PLCB4: variants seen among roughly 807,000 people sequenced by gnomAD.
PLCB4 encodes phospholipase C beta 4.
In PLCB4, 77 loss-of-function variants were observed where a neutral mutation model predicts 178.8. That is an observed-to-expected ratio of 0.43 (90% CI 0.36 to 0.52). The LOEUF is 0.52. Among genes scored for constraint, PLCB4 ranks in the 20% least tolerant of loss-of-function variants. The probability of loss-of-function intolerance (pLI) is 0.00; values close to 1 mark genes in which losing one functional copy is unlikely to be tolerated. For missense variants in PLCB4, 1,024 were observed against 1,453.4 expected (o/e 0.70, Z 4.80); for synonymous variants, 496 against 490.8 (o/e 1.01, Z -0.14).
intron 2 of PLCB4, among the ~76,000 whole-genome samples, chr20:9,141,001 C>T (rs1327819576): frequency 6.6e-6 from 1 of 152,046 alleles, no homozygotes; most frequent in Admixed American, 6.6e-5. Context: ...GCCGCTCATC[C>T]CCATTGGTGA....
intron 2 of PLCB4, among the ~76,000 whole-genome samples, chr20:9,197,150 G>A (rs2093481703): frequency 6.6e-6 from 1 of 152,190 alleles, no homozygotes. Context: ...AGAATTATTA[G>A]ATGCCTCCAG....
intron 14 of PLCB4, 52 bp from the exon 15 acceptor site, chr20:9,387,411 G>A (rs2037769042): frequency 2.3e-6 from 2 of 875,956 alleles, no homozygotes; most frequent in South Asian, 1.6e-5. Context: ...TAATTTGTAT[G>A]AACACTATTT....
At chr20:9,458,580 G>A (rs766805572) in intron 34 of PLCB4, among the ~76,000 whole-genome samples, 3 of 151,768 alleles carry the variant, frequency 2.0e-5, no homozygotes, top group Non-Finnish European at 4.4e-5. Flanking sequence ...CTGTCAGCAG[G>A]GGGCGTATGG....
At chr20:9,200,567 A>G (rs1424571662) in intron 2 of PLCB4, among the ~76,000 whole-genome samples, 1 of 152,162 alleles carries the variant, frequency 6.6e-6, no homozygotes, top group Non-Finnish European at 1.5e-5. Flanking sequence ...AATCAGATCC[A>G]ATCATTGTCT....
Position 9,408,027 on chromosome 20 carries a change from T to A in PLCB4, c.1758T>A (p.Pro586=). ...CCACAATGATCAACTACGCCCAGCC[T>A]GTAAAGTTTCAAGGTTTCCATGTGG... ...YLSTMINYAQ[P]VKFQGFHVAE... is the part of the protein sequence containing the mutation. The change falls in exon 22 of 40, where the codon CCT becomes CCA. Residue 586 remains proline (P), a synonymous_variant. Transcript: ENST00000378473. 1 of 1,613,546 alleles carries A rather than the reference T, an allele frequency of 6.2e-7. No individual in the cohort carries two copies. Among genetic ancestry groups the A allele is most frequent in the Non-Finnish European group, 8.5e-7 (1 of 1,179,648 alleles).
intron 20 of PLCB4, 148 bp downstream of exon 20, chr20:9,401,738 ACT>A (rs761885440): frequency 8.2e-6 from 5 of 610,698 alleles, no homozygotes; most frequent in Non-Finnish European, 1.5e-5. Context: ...GGTGACCAGA[ACT>A]TGACACATAC....
intron 14 of PLCB4, among the ~76,000 whole-genome samples, 166 bp from the exon 15 acceptor site, chr20:9,387,297 A>C (rs1054972784): frequency 6.6e-6 from 1 of 152,224 alleles, no homozygotes; most frequent in Non-Finnish European, 1.5e-5. Context: ...CAGATGAGGA[A>C]TATAATGTGG....
chr20:9,093,116 A>G (rs1478899800), intron 1 of PLCB4, among the ~76,000 whole-genome samples: 1 of 152,230 alleles, frequency 6.6e-6, no homozygotes, highest in East Asian at 1.9e-4. Flanking sequence ...TTAAATGCAT[A>G]AGGCCTTAGG....
chr20:9,327,208 G>T (rs191237715), intron 4 of PLCB4, among the ~76,000 whole-genome samples: 1 of 152,096 alleles, frequency 6.6e-6, no homozygotes, highest in Non-Finnish European at 1.5e-5. Flanking sequence ...GGAGGCTGAG[G>T]CAGGAGGACT....
chr20:9,362,648 TC>T (rs2035442152), intron 7 of PLCB4, among the ~76,000 whole-genome samples: 2 of 152,212 alleles, frequency 1.3e-5, no homozygotes, highest in South Asian at 4.1e-4. Context: ...TGGGCAACAT[TC>T]CTTTGTGGCA....
intron 2 of PLCB4, among the ~76,000 whole-genome samples, chr20:9,107,308 A>G (rs1213822931): frequency 6.6e-6 from 1 of 152,196 alleles, no homozygotes; most frequent in Non-Finnish European, 1.5e-5. Flanking sequence ...CTTAAATTCT[A>G]GTGGGGAAGA....
At chr20:9,182,065 C>T (rs2093255110) in intron 2 of PLCB4, among the ~76,000 whole-genome samples, 2 of 152,102 alleles carry the variant, frequency 1.3e-5, no homozygotes, top group African/African-American at 2.4e-5. Context: ...TTGTCCATAG[C>T]GTCTCACCTA....
intron 1 of PLCB4, among the ~76,000 whole-genome samples, chr20:9,069,793 A>G (rs949952674): frequency 6.6e-6 from 1 of 152,254 alleles, no homozygotes; most frequent in Admixed American, 6.5e-5. Context: ...GTATGGAAAT[A>G]TGGAATTCTC....
chr20:9,340,101 G>A (rs776933138), intron 7 of PLCB4, among the ~76,000 whole-genome samples: 1 of 152,088 alleles, frequency 6.6e-6, no homozygotes, highest in Non-Finnish European at 1.5e-5. Context: ...ATGAGAGAGG[G>A]TTCCAACAAG....
chr20:9,371,199 T>A lies in PLCB4; in HGVS notation c.504-15T>A. 6.5e-7 allele frequency: 1 copy of A among 1,536,118 alleles called. No homozygotes were observed. ...ACAATAACTGGAATGTGTGTTTCTTTCTTTTCTGCCCTAGTATTACTAGAA... is the reference window on the plus strand; with the variant it reads ...ACAATAACTGGAATGTGTGTTTCTTACTTTTCTGCCCTAGTATTACTAGAA... On this transcript the variant is annotated splice_polypyrimidine_tract_variant and intron_variant, in intron 9 of 39. Transcript: ENST00000378473.
intron 2 of PLCB4, chr20:9,166,599 C>T (rs909781183): frequency 1.3e-5 from 2 of 152,274 alleles, no homozygotes; most frequent in Non-Finnish European, 2.9e-5. Context: ...TATCCTAGAC[C>T]TGTGACTGCC....
At chr20:9,167,837 A>T (rs1208904947) in intron 2 of PLCB4, among the ~76,000 whole-genome samples, 2 of 152,212 alleles carry the variant, frequency 1.3e-5, no homozygotes, top group African/African-American at 4.8e-5. Flanking sequence ...TGTAGTTATG[A>T]AACAAACGGT....
intron 2 of PLCB4, among the ~76,000 whole-genome samples, chr20:9,127,225 A>G (rs1370261739): frequency 6.6e-6 from 1 of 152,106 alleles, no homozygotes; most frequent in African/African-American, 2.4e-5. Flanking sequence ...GCAGCTTCCC[A>G]GGCAGCAGGT....
At chr20:9,370,809 T>C (rs577635912) in intron 9 of PLCB4, 2 of 155,292 alleles carry the variant, frequency 1.3e-5, no homozygotes, top group South Asian at 2.0e-4. Flanking sequence ...CTTGGGAGGC[T>C]GAGGCGGGAG....
Sources: gnomAD v4.1 joint callset for allele counts (sites outside exome capture counted in the v4.1 genomes callset) on GRCh38, gnomAD v4.1.1 for gene constraint, MANE v1.5 for transcripts, NCBI Gene and HGNC (gene_info 2026-07-23, HGNC 2026-07-21) for gene names.